Variants in CFAP90 observed in about 807,000 individuals in gnomAD.
The protein encoded by CFAP90 is cilia- and flagella-associated protein 90.
chr5:7,834,692 C>T, the CFAP90 span, among the ~76,000 whole-genome samples: 1 of 152,012 alleles, frequency 6.6e-6, no homozygotes, highest in East Asian at 1.9e-4. Flanking sequence ...TTTACTGTAC[C>T]TTTTTATGTT....
chr5:7,850,508 G>A, the CFAP90 span, among the ~76,000 whole-genome samples: 17 of 150,314 alleles, frequency 1.1e-4, no homozygotes, highest in East Asian at 2.4e-3. Context: ...CTGCCCCCAG[G>A]CCCCCTCCCC....
chr5:7,841,147 A>G, the CFAP90 span, among the ~76,000 whole-genome samples: 8 of 152,220 alleles, frequency 5.3e-5, no homozygotes, highest in Non-Finnish European at 1.2e-4. Context: ...ACAAGAAAAA[A>G]AAACCCCGTT....
the CFAP90 span, chr5:7,835,503 G>GAAA: frequency 1.4e-6 from 2 of 1,455,186 alleles, no homozygotes; most frequent in Non-Finnish European, 1.9e-6. Flanking sequence ...TCCTGTCTAG[G>GAAA]AAAAAAAAGA....
the CFAP90 span, among the ~76,000 whole-genome samples, chr5:7,833,654 C>T: frequency 6.6e-6 from 1 of 152,140 alleles, no homozygotes; most frequent in Non-Finnish European, 1.5e-5. Context: ...CATGTACACA[C>T]ATGTATGCCT....
chr5:7,832,346 C>T, the CFAP90 span, among the ~76,000 whole-genome samples: 2 of 152,168 alleles, frequency 1.3e-5, no homozygotes, highest in African/African-American at 4.8e-5. Flanking sequence ...GGTCCCTTCC[C>T]ACCACCCAGA....
the CFAP90 span, among the ~76,000 whole-genome samples, chr5:7,850,345 G>A: frequency 1.3e-5 from 2 of 148,426 alleles, no homozygotes; most frequent in Non-Finnish European, 3.0e-5. Context: ...CCCTGGTAGT[G>A]AAGCCCTGCC....
chr5:7,834,246 T>C, the CFAP90 span, among the ~76,000 whole-genome samples: 5 of 152,102 alleles, frequency 3.3e-5, no homozygotes, highest in Admixed American at 6.5e-5. Context: ...CCTGACCCTG[T>C]GTAGGCCGAG....
the CFAP90 span, among the ~76,000 whole-genome samples, chr5:7,847,021 G>T: frequency 6.6e-6 from 1 of 152,148 alleles, no homozygotes; most frequent in African/African-American, 2.4e-5. Flanking sequence ...AATAGAGCCT[G>T]AAATTGTTTA....
At chr5:7,833,769 G>C in the CFAP90 span, among the ~76,000 whole-genome samples, 1 of 152,110 alleles carries the variant, frequency 6.6e-6, no homozygotes, top group African/African-American at 2.4e-5. Context: ...ATAATATTAA[G>C]TTGGTGCAAA....
At chr5:7,851,059 C>A in the CFAP90 span, 1 of 1,235,994 alleles carries the variant, frequency 8.1e-7, no homozygotes, top group Non-Finnish European at 1.0e-6. Flanking sequence ...GGCCGCGGTC[C>A]GTCCCGCCCG....
At chr5:7,847,008 T>C in the CFAP90 span, among the ~76,000 whole-genome samples, 1 of 152,206 alleles carries the variant, frequency 6.6e-6, no homozygotes, top group Non-Finnish European at 1.5e-5. Context: ...CTCAGTCTCC[T>C]AAAATAGAGC....
the CFAP90 span, among the ~76,000 whole-genome samples, chr5:7,850,541 C>A: frequency 6.7e-6 from 1 of 148,664 alleles, no homozygotes; most frequent in Non-Finnish European, 1.5e-5. Flanking sequence ...TGCCCCAAGG[C>A]CCCAGTCCCT....
the CFAP90 span, among the ~76,000 whole-genome samples, chr5:7,845,157 A>G: frequency 6.6e-6 from 1 of 152,096 alleles, no homozygotes; most frequent in African/African-American, 2.4e-5. Flanking sequence ...AAACCATCAG[A>G]TCTCCTGAGG....
At chr5:7,831,906 TC>T in the CFAP90 span, 1 of 1,614,090 alleles carries the variant, frequency 6.2e-7, no homozygotes, top group Non-Finnish European at 8.5e-7. Context: ...ATGTCGTTCT[TC>T]CTGTAGAAGT....
chr5:7,850,614 T>G, the CFAP90 span, among the ~76,000 whole-genome samples: 2 of 3,896 alleles, frequency 5.1e-4, no homozygotes, highest in South Asian at 6.0e-3. Flanking sequence ...CCCCCTCCCC[T>G]AAGGTGAGCC....
the CFAP90 span, among the ~76,000 whole-genome samples, chr5:7,839,460 G>A: frequency 1.3e-5 from 2 of 152,212 alleles, no homozygotes; most frequent in African/African-American, 4.8e-5. Flanking sequence ...TATCCTGGGA[G>A]AAAAACTCTG....
At chr5:7,848,333 C>T in the CFAP90 span, among the ~76,000 whole-genome samples, 1 of 152,054 alleles carries the variant, frequency 6.6e-6, no homozygotes, top group East Asian at 1.9e-4. Context: ...TGTCCCTTTT[C>T]CCCCTGTCCT....
the CFAP90 span, among the ~76,000 whole-genome samples, chr5:7,850,227 G>T: frequency 1.3e-5 from 2 of 151,436 alleles, no homozygotes; most frequent in Non-Finnish European, 2.9e-5. Context: ...CTTGGCGGGA[G>T]CTCACCCTCC....
chr5:7,835,379 TA>T, the CFAP90 span: 1 of 1,507,150 alleles, frequency 6.6e-7, no homozygotes. Context: ...GTCTTAATAT[TA>T]CCTCTTCGTT....
Sources: gnomAD v4.1 joint callset for allele counts (sites outside exome capture counted in the v4.1 genomes callset) on GRCh38, gnomAD v4.1.1 for gene constraint, MANE v1.5 for transcripts, NCBI Gene and HGNC (gene_info 2026-07-23, HGNC 2026-07-21) for gene names.